The following BEST3 variants were observed in gnomAD, a reference collection of about 807,000 sequenced individuals.
The protein encoded by BEST3 is bestrophin 3.
In BEST3, 50 loss-of-function variants were observed where a neutral mutation model predicts 47.1. That is an observed-to-expected ratio of 1.06 (90% CI 0.85 to 1.34). BEST3 has a LOEUF of 1.34. Among genes scored for constraint, BEST3 ranks in the 40% most tolerant of loss-of-function variants. BEST3 has a pLI of 0.00. For missense variants in BEST3, 765 were observed against 817.0 expected, an observed-to-expected ratio of 0.94 and a Z score of 0.78; for synonymous variants, 282 against 298.8, an observed-to-expected ratio of 0.94 and a Z score of 0.58.
chr12:69,689,903 CAGT>C (rs1885846837), intron 4 of BEST3, among the ~76,000 whole-genome samples: 1 of 152,136 alleles, frequency 6.6e-6, no homozygotes. Context: ...GCTTTGTTAT[CAGT>C]AATGAGTTGG....
rs543326333 is a variant in BEST3 at position 69,666,594 on chromosome 12, A to C, written c.1100+4834T>G. Among the ~76,000 whole-genome samples, 14 of 151,840 alleles carry C rather than the reference A, an allele frequency of 9.2e-5. No homozygotes were observed. The East Asian group carries it at 2.5e-3, about 27-fold the overall frequency. ...CTCTGACTACCCTTTTCCTCTGACC[A>C]CCCTTTCAGTAATAGTATTCTACCC... On this transcript the variant is annotated intron_variant, in intron 9 of 9. Transcript: ENST00000330891.
chr12:69,655,638 G>A lies in BEST3; in HGVS notation c.1276C>T (p.Arg426Ter), dbSNP rs200350539. The A allele has an allele frequency of 5.5e-5, 88 of 1,613,876 alleles. No homozygotes were observed. The Middle Eastern group carries it at 6.6e-4, about 12-fold the overall frequency. ...TCCCTGGCTGGGCTGAGGTCATCTC[G>A]GGGTAAGAACATGGAGCTGTCACTT... is the stretch of plus-strand genomic sequence containing the variant. ...QTSDSSMFLP[R>*]DDLSPARDLL... The change falls in exon 10 of 10, where the codon CGA (arginine) becomes TGA (stop). Residue 426 changes from arginine to a stop codon, truncating the protein, a stop_gained. Transcript: ENST00000330891. LOFTEE classifies it low-confidence loss of function (END_TRUNC).
downstream of BEST3, among the ~76,000 whole-genome samples, chr12:69,653,001 T>C (rs1883260125): frequency 1.3e-5 from 2 of 152,350 alleles, no homozygotes; most frequent in Non-Finnish European, 2.9e-5. Context: ...TTTCCTCTAA[T>C]ATTATTTCTT....
At chr12:69,659,791 A>G (rs1241673387) in intron 9 of BEST3, among the ~76,000 whole-genome samples, 5 of 152,142 alleles carry the variant, frequency 3.3e-5, no homozygotes, top group African/African-American at 1.2e-4. Flanking sequence ...CTGAGGCTCA[A>G]TATAATACCA....
intron 4 of BEST3, among the ~76,000 whole-genome samples, chr12:69,686,786 A>AAAAAAAAGAAAG (rs371159662): frequency 3.5e-5 from 5 of 143,282 alleles, no homozygotes; most frequent in Middle Eastern, 3.4e-3. Context: ...AAACAAAAAA[A>AAAAAAAAGAAAG]AAAGAAAGAA....
chr12:69,699,081 C>T (rs1276210997), intron 1 of BEST3, 124 bp downstream of exon 1: 1 of 490,290 alleles, frequency 2.0e-6, no homozygotes, highest in Non-Finnish European at 2.7e-6. Flanking sequence ...AATAACAGTC[C>T]TTAATTAACT....
intron 9 of BEST3, among the ~76,000 whole-genome samples, chr12:69,668,420 C>T (rs949475653): frequency 6.6e-6 from 1 of 152,184 alleles, no homozygotes; most frequent in South Asian, 2.1e-4. Flanking sequence ...GTGATCTTCA[C>T]TCTCATGCAA....
At chr12:69,670,398 G>A (rs1342121593) in intron 9 of BEST3, 1 of 699,240 alleles carries the variant, frequency 1.4e-6, no homozygotes, top group Non-Finnish European at 2.6e-6. Flanking sequence ...AAATCTCCTG[G>A]CTCCTAAATC....
chr12:69,663,743 C>A (rs1351924054), intron 9 of BEST3, among the ~76,000 whole-genome samples: 1 of 152,078 alleles, frequency 6.6e-6, no homozygotes, highest in Non-Finnish European at 1.5e-5. Flanking sequence ...ATCGCTTGAG[C>A]CTAGGAGTTC....
intron 9 of BEST3, chr12:69,643,872 T>C (rs1027644978): frequency 1.8e-6 from 1 of 571,362 alleles, no homozygotes; most frequent in African/African-American, 1.9e-5. Flanking sequence ...ACTCACAGAG[T>C]TGAATTCACA....
intron 8 of BEST3, 39 bp downstream of exon 8, chr12:69,672,843 TTTA>T (rs769517550): frequency 3.5e-6 from 5 of 1,414,094 alleles, no homozygotes; most frequent in Non-Finnish European, 5.0e-6. Flanking sequence ...TCGCAAGTGA[TTTA>T]TTATTAACAT....
At chr12:69,665,125 G>T (rs775507) in intron 9 of BEST3, among the ~76,000 whole-genome samples, 2 of 83,856 alleles carry the variant, frequency 2.4e-5, no homozygotes, top group South Asian at 5.5e-4. Context: ...GGGATGCCAA[G>T]TCACACAGTG....
chr12:69,675,800 A>ATT (rs147311841), intron 7 of BEST3, among the ~76,000 whole-genome samples: 263 of 151,288 alleles, frequency 1.7e-3, no homozygotes, highest in African/African-American at 6.1e-3. Context: ...TCAACATATT[A>ATT]TTTTTTTTTG....
chr12:69,698,270 T>C (rs541583875), intron 1 of BEST3, among the ~76,000 whole-genome samples: 1 of 152,330 alleles, frequency 6.6e-6, no homozygotes, highest in South Asian at 2.1e-4. Flanking sequence ...TAAATAAGAA[T>C]GGTGCAGTTT....
In BEST3 at chr12:69,654,797, T is replaced by C. The variant is rs1883351942; in HGVS notation, c.*110A>G. The C allele has an allele frequency of 1.4e-6, 2 of 1,472,552 alleles. No individual in the cohort carries two copies. The highest frequency in any genetic ancestry group is 1.8e-6 in the Non-Finnish European group (2 of 1,111,490). The allele number at this position is 1,472,552 out of a possible 1,614,324, so 91.2% of individuals were successfully genotyped here. A position where few individuals can be genotyped will look rare whatever the true frequency, so the allele number is the denominator to read the frequency against. ...GTTCTAAGTAGCTTATACAGTGTGA[T>C]CATGTTTTTTAAAAAGTCGACCAGC... On this transcript the variant is annotated 3_prime_UTR_variant, in exon 10 of 10. Coordinates refer to ENST00000330891, the MANE Select transcript of BEST3 (RefSeq NM_032735.3).
chr12:69,667,903 G>A (rs1884329796), intron 9 of BEST3, among the ~76,000 whole-genome samples: 1 of 151,880 alleles, frequency 6.6e-6, no homozygotes, highest in Non-Finnish European at 1.5e-5. Flanking sequence ...AGGGTCCAAG[G>A]GAAAATATAT....
chr12:69,667,610 A>T (rs1452473408), intron 9 of BEST3, among the ~76,000 whole-genome samples: 1 of 152,126 alleles, frequency 6.6e-6, no homozygotes, highest in Non-Finnish European at 1.5e-5. Flanking sequence ...ACTCATTCTT[A>T]AGGATGCATA....
chr12:69,677,321 G>T, intron 5 of BEST3, 64 bp from the exon 6 acceptor site: 1 of 1,388,948 alleles, frequency 7.2e-7, no homozygotes, highest in Non-Finnish European at 1.0e-6. Context: ...AGTACTTACT[G>T]GGACTCAGAA....
chr12:69,650,884 G>GA (rs528252252), downstream of BEST3, among the ~76,000 whole-genome samples: 96 of 149,838 alleles, frequency 6.4e-4, no homozygotes, highest in Admixed American at 1.8e-3. Flanking sequence ...CATATGAAAG[G>GA]AAAAAAAAAC....
Sources: allele counts gnomAD v4.1 joint callset (sites outside exome capture counted in the v4.1 genomes callset), GRCh38; gene constraint gnomAD v4.1.1; transcripts MANE v1.5; gene names NCBI Gene and HGNC (gene_info 2026-07-23, HGNC 2026-07-21).